WWOX: variants seen among roughly 807,000 people sequenced by gnomAD.
WWOX encodes WW domain containing oxidoreductase, also known as WW domain-containing oxidoreductase.
Under a neutral mutation model 46.2 loss-of-function variants are expected in WWOX, and 69 were observed. The observed-to-expected ratio is 1.49, with a 90% CI of 1.23 to 1.82. The LOEUF (loss-of-function observed/expected upper bound fraction) is 1.82, where lower values mean the gene tolerates loss of function less well. Ranked by LOEUF, WWOX falls within the 40% of genes most tolerant of loss-of-function variation. WWOX has a pLI of 0.00. For missense variants in WWOX, 919 were observed against 542.6 expected, an observed-to-expected ratio of 1.69 and a Z score of -6.89; for synonymous variants, 359 against 202.6, an observed-to-expected ratio of 1.77 and a Z score of -6.56.
At chr16:78,831,165 G>A (rs2051811437) in intron 8 of WWOX, among the ~76,000 whole-genome samples, 1 of 152,156 alleles carries the variant, frequency 6.6e-6, no homozygotes, top group Admixed American at 6.5e-5. Flanking sequence ...TCAGAATTTG[G>A]GGGCTGAAGA....
chr16:78,974,323 G>A (rs775299170), intron 8 of WWOX, among the ~76,000 whole-genome samples: 8 of 152,184 alleles, frequency 5.3e-5, no homozygotes, highest in Non-Finnish European at 1.0e-4. Context: ...AGATAATAAA[G>A]CAGGGGAATT....
intron 8 of WWOX, among the ~76,000 whole-genome samples, chr16:78,549,475 G>A (rs1198681657): frequency 6.6e-6 from 1 of 151,994 alleles, no homozygotes; most frequent in Admixed American, 6.6e-5. Flanking sequence ...CATGATATGC[G>A]GTTCAGAGAA....
At chr16:78,832,267 C>T (rs1451308607) in intron 8 of WWOX, among the ~76,000 whole-genome samples, 1 of 152,170 alleles carries the variant, frequency 6.6e-6, no homozygotes, top group Admixed American at 6.5e-5. Flanking sequence ...CCTCTCTGTA[C>T]AGCTTCAGGA....
chr16:78,413,130 G>T (rs376712585), intron 6 of WWOX, among the ~76,000 whole-genome samples: 1 of 152,174 alleles, frequency 6.6e-6, no homozygotes, highest in African/African-American at 2.4e-5. Flanking sequence ...AATAGAGAAA[G>T]AATTTAATCC....
chr16:78,927,448 C>A (rs531042527), intron 8 of WWOX, among the ~76,000 whole-genome samples: 1 of 152,150 alleles, frequency 6.6e-6, no homozygotes, highest in Non-Finnish European at 1.5e-5. Flanking sequence ...TTTGTAAATT[C>A]TCTGTGGGTA....
At chr16:78,914,645 G>T (rs549047934) in intron 8 of WWOX, among the ~76,000 whole-genome samples, 2 of 151,824 alleles carry the variant, frequency 1.3e-5, no homozygotes, top group East Asian at 1.9e-4. Flanking sequence ...TTTGGGAGGC[G>T]GAGGCGGGCA....
chr16:78,659,468 A>C (rs1168294827), intron 8 of WWOX, among the ~76,000 whole-genome samples: 1 of 152,230 alleles, frequency 6.6e-6, no homozygotes, highest in East Asian at 1.9e-4. Context: ...AGGGCTCAGC[A>C]ATCTAGTTTT....
At chr16:78,213,685 G>A (rs561690002) in intron 5 of WWOX, among the ~76,000 whole-genome samples, 105 of 152,112 alleles carry the variant, frequency 6.9e-4, no homozygotes, top group African/African-American at 2.5e-3. Flanking sequence ...TGACATTGGG[G>A]ACCAGAGACA....
chr16:79,207,608 G>A (rs2051560697), intron 8 of WWOX, among the ~76,000 whole-genome samples: 2 of 152,158 alleles, frequency 1.3e-5, no homozygotes, highest in South Asian at 4.1e-4. Context: ...ATGATATTGT[G>A]TCTATTTTTT....
At chr16:78,851,653 A>G (rs866094543) in intron 8 of WWOX, among the ~76,000 whole-genome samples, 9 of 152,332 alleles carry the variant, frequency 5.9e-5, no homozygotes, top group Middle Eastern at 3.4e-3. Context: ...GATGCTCAAT[A>G]AATCTTGGCT....
intron 5 of WWOX, among the ~76,000 whole-genome samples, chr16:78,293,477 C>T (rs1424366867): frequency 6.6e-6 from 1 of 152,144 alleles, no homozygotes; most frequent in African/African-American, 2.4e-5. Flanking sequence ...TATGTCGTCC[C>T]TCTTTCTTAC....
chr16:78,338,028 T>C (rs1482896025), intron 5 of WWOX, among the ~76,000 whole-genome samples: 1 of 120,362 alleles, frequency 8.3e-6, no homozygotes, highest in African/African-American at 2.8e-5. Context: ...TTTTGTTCTT[T>C]TAAAACATAT....
intron 8 of WWOX, among the ~76,000 whole-genome samples, chr16:78,865,504 C>A (rs1346663831): frequency 6.6e-6 from 1 of 152,118 alleles, no homozygotes; most frequent in East Asian, 1.9e-4. Context: ...TTTCCTTTGC[C>A]ACAAAATAGC....
At chr16:78,540,693 T>A (rs751365960) in intron 8 of WWOX, among the ~76,000 whole-genome samples, 1 of 150,530 alleles carries the variant, frequency 6.6e-6, no homozygotes, top group Non-Finnish European at 1.5e-5. Flanking sequence ...GTGGATATTT[T>A]GTTAAAAAAA....
chr16:78,431,198 A>G (rs980623440), intron 7 of WWOX, among the ~76,000 whole-genome samples: 4 of 152,244 alleles, frequency 2.6e-5, no homozygotes, highest in African/African-American at 4.8e-5. Context: ...GTCAGACCCA[A>G]TTATAAAGCA....
chr16:78,944,543 C>T lies in WWOX; in HGVS notation c.1057-267065C>T, dbSNP rs139811963. Among the ~76,000 whole-genome samples the T allele has an allele frequency of 7.9e-5, 12 of 152,252 alleles. No individual in the cohort carries two copies. The East Asian group carries it at 1.9e-3, about 25-fold the overall frequency. ...ATTTGTCTTGCTGTATCGAATCAAG[C>T]TGTGGTCTTGAGTTTCGTACACATC... On this transcript the variant is annotated intron_variant, in intron 8 of 8. Transcript: ENST00000566780.
At chr16:78,900,308 C>A (rs2044798533) in intron 8 of WWOX, among the ~76,000 whole-genome samples, 1 of 152,098 alleles carries the variant, frequency 6.6e-6, no homozygotes, top group African/African-American at 2.4e-5. Context: ...ATACACTGAA[C>A]ATGTTGAAAT....
chr16:78,687,549 C>T (rs1399302520), intron 8 of WWOX, among the ~76,000 whole-genome samples: 1 of 152,074 alleles, frequency 6.6e-6, no homozygotes, highest in East Asian at 1.9e-4. Context: ...TATCGGAATA[C>T]GCAGACATAT....
chr16:78,542,706 CT>C (rs1430655999), intron 8 of WWOX, among the ~76,000 whole-genome samples: 1 of 152,204 alleles, frequency 6.6e-6, no homozygotes, highest in African/African-American at 2.4e-5. Context: ...GACAATTCTT[CT>C]ATCAGCCCTC....
Sources: gnomAD v4.1 joint callset for allele counts (sites outside exome capture counted in the v4.1 genomes callset) on GRCh38, gnomAD v4.1.1 for gene constraint, MANE v1.5 for transcripts, NCBI Gene and HGNC (gene_info 2026-07-23, HGNC 2026-07-21) for gene names.